Variants in RABGAP1L observed in about 807,000 individuals in gnomAD.
RABGAP1L encodes RAB GTPase activating protein 1 like.
A neutral mutation model predicts 137.7 loss-of-function variants in RABGAP1L; 63 were observed. The ratio of observed to expected loss-of-function variants is 0.46; its 90% CI spans 0.37 to 0.56. The LOEUF is 0.56. Ranked by LOEUF, RABGAP1L falls within the 20% of genes least tolerant of loss-of-function variation. The pLI, the probability that RABGAP1L is intolerant of heterozygous loss-of-function variation, is 0.00. For missense variants in RABGAP1L, 1,095 were observed against 1,244.0 expected (o/e 0.88, Z 1.80); for synonymous variants, 431 against 433.7 (o/e 0.99, Z 0.08).
intron 3 of RABGAP1L, among the ~76,000 whole-genome samples, chr1:174,226,024 G>T (rs1670150829): frequency 6.6e-6 from 1 of 151,940 alleles, no homozygotes; most frequent in Non-Finnish European, 1.5e-5. Flanking sequence ...GTAGAACTGG[G>T]AGAGAAAACA....
intron 13 of RABGAP1L, among the ~76,000 whole-genome samples, chr1:174,610,686 T>A (rs1671157889): frequency 6.6e-6 from 1 of 152,184 alleles, no homozygotes; most frequent in African/African-American, 2.4e-5. Flanking sequence ...GTAAAAGTAT[T>A]CCTATTTCTC....
intron 1 of RABGAP1L, among the ~76,000 whole-genome samples, chr1:174,173,398 G>A (rs1304552580): frequency 6.6e-6 from 1 of 152,112 alleles, no homozygotes; most frequent in Non-Finnish European, 1.5e-5. Context: ...CCAAAGTGCT[G>A]GGATTACAGG....
intron 17 of RABGAP1L, among the ~76,000 whole-genome samples, chr1:174,751,483 A>C (rs1346957572): frequency 6.6e-6 from 1 of 152,226 alleles, no homozygotes; most frequent in African/African-American, 2.4e-5. Flanking sequence ...CTCATACTTG[A>C]AATATCTTTT....
At chr1:174,556,741 G>T (rs758665255) in intron 13 of RABGAP1L, among the ~76,000 whole-genome samples, 4 of 152,204 alleles carry the variant, frequency 2.6e-5, no homozygotes, top group Non-Finnish European at 1.5e-5. Context: ...TTCAACTTTG[G>T]TGATGGCTTT....
intron 13 of RABGAP1L, among the ~76,000 whole-genome samples, chr1:174,566,032 A>G (rs974271025): frequency 1.6e-4 from 24 of 152,000 alleles, no homozygotes; most frequent in Non-Finnish European, 2.4e-4. Flanking sequence ...CCACAGGCAC[A>G]TACATGCCAC....
chr1:174,565,291 G>A (rs947737434), intron 13 of RABGAP1L, among the ~76,000 whole-genome samples: 52 of 152,080 alleles, frequency 3.4e-4, no homozygotes, highest in Non-Finnish European at 4.7e-4. Context: ...AATGAAACGT[G>A]GCTTTCCCCA....
chr1:174,650,045 T>C (rs546469173), intron 14 of RABGAP1L, among the ~76,000 whole-genome samples: 7 of 152,122 alleles, frequency 4.6e-5, no homozygotes, highest in Middle Eastern at 3.4e-3. Flanking sequence ...TAGCATGAAG[T>C]GTTGTTGAAT....
chr1:174,758,117 C>CT (rs1447848627), intron 18 of RABGAP1L, among the ~76,000 whole-genome samples: 1 of 151,872 alleles, frequency 6.6e-6, no homozygotes, highest in Non-Finnish European at 1.5e-5. Flanking sequence ...TCCATTGAAG[C>CT]TTTTTTAGTA....
intron 19 of RABGAP1L, among the ~76,000 whole-genome samples, chr1:174,926,954 T>G (rs937080727): frequency 6.6e-6 from 1 of 152,028 alleles, no homozygotes; most frequent in African/African-American, 2.4e-5. Context: ...ACACCTGTAA[T>G]TCCAGTTACT....
chr1:174,911,999 C>T (rs924847676), intron 19 of RABGAP1L, among the ~76,000 whole-genome samples: 5 of 152,108 alleles, frequency 3.3e-5, no homozygotes, highest in African/African-American at 1.2e-4. Flanking sequence ...CAAAGATATG[C>T]CCAAAGAATT....
intron 4 of RABGAP1L, among the ~76,000 whole-genome samples, chr1:174,241,191 G>A (rs1190185974): frequency 1.3e-5 from 2 of 151,964 alleles, no homozygotes; most frequent in Admixed American, 1.3e-4. Flanking sequence ...GTGATGGCAG[G>A]CACCTGTTAT....
chr1:174,609,782 G>A (rs1329993137), intron 13 of RABGAP1L, among the ~76,000 whole-genome samples: 1 of 152,124 alleles, frequency 6.6e-6, no homozygotes, highest in Non-Finnish European at 1.5e-5. Context: ...TTTAATAAGA[G>A]TGATTTTAAA....
chr1:174,978,188 A>G (rs1271387358), intron 22 of RABGAP1L, among the ~76,000 whole-genome samples: 2 of 152,220 alleles, frequency 1.3e-5, no homozygotes, highest in Admixed American at 6.5e-5. Context: ...AACTGTGGTT[A>G]TAACTATAGC....
At chr1:174,621,278 C>T (rs1012518613) in intron 13 of RABGAP1L, among the ~76,000 whole-genome samples, 5 of 152,140 alleles carry the variant, frequency 3.3e-5, no homozygotes, top group African/African-American at 1.2e-4. Flanking sequence ...GCCATACTCC[C>T]CAAGGTAATT....
At chr1:174,286,563 C>T (rs984118084) in intron 10 of RABGAP1L, among the ~76,000 whole-genome samples, 3 of 151,820 alleles carry the variant, frequency 2.0e-5, no homozygotes, top group African/African-American at 7.3e-5. Flanking sequence ...TCATTTATTT[C>T]TGCTCCAGTC....
At chr1:174,423,286 T>TTTA (rs761224037) in intron 13 of RABGAP1L, among the ~76,000 whole-genome samples, 36 of 152,178 alleles carry the variant, frequency 2.4e-4, no homozygotes, top group Non-Finnish European at 3.8e-4. Flanking sequence ...ACAATATACA[T>TTTA]TTATTATTAG....
At chr1:174,610,895 TG>T (rs1671181501) in intron 13 of RABGAP1L, among the ~76,000 whole-genome samples, 1 of 152,202 alleles carries the variant, frequency 6.6e-6, no homozygotes, top group Admixed American at 6.5e-5. Context: ...TATTTTTTGA[TG>T]GGGTTGTTTG....
intron 13 of RABGAP1L, among the ~76,000 whole-genome samples, chr1:174,540,006 C>G (rs1419124431): frequency 6.6e-6 from 1 of 152,182 alleles, no homozygotes; most frequent in Non-Finnish European, 1.5e-5. Context: ...GAAATGGTAT[C>G]TCATTGTGGT....
chr1:174,708,092 C>G (rs1044636572), intron 17 of RABGAP1L, among the ~76,000 whole-genome samples: 6 of 152,108 alleles, frequency 3.9e-5, no homozygotes, highest in African/African-American at 1.4e-4. Flanking sequence ...TTAAGGAAAT[C>G]GTTGACCCTT....
Sources: allele counts gnomAD v4.1 joint callset (sites outside exome capture counted in the v4.1 genomes callset), GRCh38; gene constraint gnomAD v4.1.1; transcripts MANE v1.5; gene names NCBI Gene and HGNC (gene_info 2026-07-23, HGNC 2026-07-21).